The following WDHD1 variants were observed in gnomAD, a reference collection of about 807,000 sequenced individuals.
WDHD1 encodes the protein WD repeat and HMG-box DNA-binding protein 1.
In WDHD1, 111 loss-of-function variants were observed where a neutral mutation model predicts 135.4. That is an observed-to-expected ratio of 0.82 (90% CI 0.70 to 0.96). The LOEUF (loss-of-function observed/expected upper bound fraction) is 0.96, where lower values mean the gene tolerates loss of function less well. Ranked by LOEUF, WDHD1 falls within the 40% of genes least tolerant of loss-of-function variation. The pLI, the probability that WDHD1 is intolerant of heterozygous loss-of-function variation, is 0.00. For synonymous variants in WDHD1, 434 were observed against 439.0 expected, an observed-to-expected ratio of 0.99 and a Z score of 0.14; for missense variants, 1,351 against 1,336.3, an observed-to-expected ratio of 1.01 and a Z score of -0.17.
rs766079090 is a variant in WDHD1, at chr14:54,991,326, T to G, written c.1228A>C (p.Asn410His). The change falls in exon 12 of 26, where the codon AAT (asparagine) becomes CAT (histidine). Residue 410 changes from asparagine to histidine, a missense_variant. Asn to His is a moderately conservative substitution (Grantham distance 68, BLOSUM62 1). Coordinates refer to ENST00000360586, the MANE Select transcript of WDHD1 (RefSeq NM_007086.4). ...EEDGQEGSIHNLPLVTSQRPF... is the reference protein window; with the variant it reads ...EEDGQEGSIHHLPLVTSQRPF... ...CTTTGGGATGTTACAAGTGGTAGAT[T>G]GTGAATGCTGCCTTCTTGACCATCT... 8 of 1,614,086 alleles carry G rather than the reference T, an allele frequency of 5.0e-6. No homozygotes were observed. Among genetic ancestry groups the G allele is most frequent in the Non-Finnish European group, 6.8e-6 (8 of 1,180,024 alleles).
chr14:54,957,222 G>T lies in WDHD1; in HGVS notation c.2746-18C>A. ...GCTGATACCTAAAGAGCAAACTAGTGTTAGCACTGTATGTTTAAAGAAGAA... is the reference window on the plus strand; with the variant it reads ...GCTGATACCTAAAGAGCAAACTAGTTTTAGCACTGTATGTTTAAAGAAGAA... On this transcript the variant is annotated intron_variant, in intron 22 of 25. Transcript: ENST00000360586. The T allele has an allele frequency of 6.3e-7, 1 of 1,596,228 alleles. No individual in the cohort carries two copies.
chr14:55,026,150 C>G (rs2042435044), intron 2 of WDHD1, among the ~76,000 whole-genome samples: 1 of 152,054 alleles, frequency 6.6e-6, no homozygotes, highest in Admixed American at 6.6e-5. Flanking sequence ...AAGAGACACA[C>G]AAGTATTTTT....
chr14:55,005,322 T>C (rs998876300), intron 7 of WDHD1: 3 of 554,768 alleles, frequency 5.4e-6, no homozygotes, highest in Non-Finnish European at 3.5e-6. Context: ...TTAGTCACCA[T>C]AAGAAGCTGT....
At chr14:55,013,101 C>CA (rs1203884448) in intron 3 of WDHD1, among the ~76,000 whole-genome samples, 2 of 149,844 alleles carry the variant, frequency 1.3e-5, no homozygotes, top group Non-Finnish European at 3.0e-5. Flanking sequence ...TGGCATGCAC[C>CA]TACAGTCCTA....
At chr14:55,010,597 T>A (rs2042152670) in intron 3 of WDHD1, 137 bp from the exon 4 acceptor site, 3 of 770,470 alleles carry the variant, frequency 3.9e-6, no homozygotes, top group Non-Finnish European at 5.5e-6. Context: ...TATCACTAAA[T>A]GTACAACTTT....
intron 16 of WDHD1, among the ~76,000 whole-genome samples, chr14:54,978,192 T>A (rs184179873): frequency 2.2e-3 from 341 of 152,346 alleles, no homozygotes; most frequent in African/African-American, 7.6e-3. Context: ...TAAGATAGAC[T>A]GTGAATTCTT....
At chr14:55,005,492 A>G (rs987489244) in intron 7 of WDHD1, 10 of 565,412 alleles carry the variant, frequency 1.8e-5, no homozygotes, top group Non-Finnish European at 3.1e-5. Context: ...TTCAACAGCA[A>G]CAATGGCACA....
Position 54,963,194 on chromosome 14 carries a change from G to T in WDHD1, c.2311-22C>A, listed in dbSNP as rs753530365. 18 of 639,200 alleles carry T rather than the reference G, an allele frequency of 2.8e-5. 4 individuals carry two copies. The highest frequency in any genetic ancestry group is 1.5e-4 in the Admixed American group (7 of 45,252). The allele number at this position is 639,200 out of a possible 1,614,324, so 39.6% of individuals were successfully genotyped here. A position where few individuals can be genotyped will look rare whatever the true frequency, so the allele number is the denominator to read the frequency against. ...AAAGCTAATCCAAAAAGGGGGGGGG[G>T]GGGGAGATCAAATAACATCAAGTAA... On this transcript the variant is annotated intron_variant, in intron 18 of 25. Transcript: ENST00000360586.
intron 7 of WDHD1, 41 bp downstream of exon 7, chr14:55,007,231 TAAAAAAAA>T: frequency 1.9e-6 from 2 of 1,053,084 alleles, no homozygotes; most frequent in Non-Finnish European, 2.6e-6. Context: ...CCATCTCTAA[TAAAAAAAA>T]AAAAAAAAAA....
intron 11 of WDHD1, 58 bp downstream of exon 11, chr14:54,995,545 T>TA (rs2041863496): frequency 7.4e-7 from 1 of 1,342,310 alleles, no homozygotes; most frequent in Non-Finnish European, 1.0e-6. Flanking sequence ...ATAGTGTTAA[T>TA]AAAAAATCTA....
At chr14:55,006,572 C>T (rs1051127347) in intron 7 of WDHD1, among the ~76,000 whole-genome samples, 2 of 152,150 alleles carry the variant, frequency 1.3e-5, no homozygotes, top group Non-Finnish European at 2.9e-5. Context: ...ACAAACATTT[C>T]CTTTGCAAAT....
At chr14:54,945,189 C>T (rs944547443) in intron 24 of WDHD1, among the ~76,000 whole-genome samples, 4 of 152,156 alleles carry the variant, frequency 2.6e-5, no homozygotes, top group Non-Finnish European at 5.9e-5. Context: ...ATCGCCTCAC[C>T]CTTGCTCTCA....
intron 16 of WDHD1, among the ~76,000 whole-genome samples, chr14:54,971,320 T>C (rs561699884): frequency 1.3e-5 from 2 of 152,286 alleles, no homozygotes; most frequent in South Asian, 4.1e-4. Context: ...CTCACATCTG[T>C]AATCCCAGCA....
intron 16 of WDHD1, among the ~76,000 whole-genome samples, chr14:54,975,540 G>A (rs1212554803): frequency 6.6e-6 from 1 of 152,052 alleles, no homozygotes; most frequent in Admixed American, 6.6e-5. Flanking sequence ...TAGAGACAGG[G>A]TTTCACCATG....
At position 54,966,482 on chromosome 14, in the gene WDHD1, A is replaced by T. The variant is rs1325342542; in HGVS notation, c.2303T>A (p.Met768Lys). 1 of 1,597,814 alleles carries T rather than the reference A, an allele frequency of 6.3e-7. No homozygotes were observed. ...TATATTTATTTTACTCACCGCAAGC[A>T]TTTTCATTAAAAGTTCCTGTTGCTC... Reference protein sequence around the residue: ...TKEQQELLMKMLALSCKLERE... With the variant: ...TKEQQELLMKKLALSCKLERE... The change falls in exon 18 of 26, where the codon ATG becomes AAG. Residue 768 changes from methionine (M) to lysine (K), a missense_variant. Physicochemically the swap from Met to Lys is moderately conservative, Grantham distance 95. Around this residue, in one of 2 missense-constraint regions of WDHD1, gnomAD observed 1,330 missense variants for 1,296.1 expected, o/e 1.03. Coordinates refer to ENST00000360586, the MANE Select transcript of WDHD1 (RefSeq NM_007086.4).
chr14:55,027,006 G>A, intron 1 of WDHD1, 22 bp downstream of exon 1: 1 of 547,666 alleles, frequency 1.8e-6, no homozygotes, highest in South Asian at 2.1e-5. Flanking sequence ...GGTGGACGCG[G>A]GCAGCCGGAG....
chr14:54,980,045 CCAGGCA>C (rs1338024148), intron 16 of WDHD1, among the ~76,000 whole-genome samples: 2 of 152,186 alleles, frequency 1.3e-5, no homozygotes, highest in Non-Finnish European at 2.9e-5. Flanking sequence ...TACAATTCAG[CCAGGCA>C]CAGTGGCTCA....
intron 11 of WDHD1, among the ~76,000 whole-genome samples, chr14:54,994,576 C>T (rs1166768286): frequency 6.6e-6 from 1 of 151,946 alleles, no homozygotes; most frequent in East Asian, 1.9e-4. Context: ...GGTTGCACTC[C>T]ATGGTGAAAC....
rs1236278158 is a variant in WDHD1, at chr14:54,989,150, C to T, written c.1404G>A (p.Val468=). The T allele has an allele frequency of 6.2e-7, 1 of 1,613,692 alleles. No individual in the cohort carries two copies. Among genetic ancestry groups the T allele is most frequent in the Non-Finnish European group, 8.5e-7 (1 of 1,179,788 alleles). The change falls in exon 13 of 26, where the codon GTG becomes GTA. Residue 468 remains valine (V), a synonymous_variant. Coordinates refer to ENST00000360586, the MANE Select transcript of WDHD1 (RefSeq NM_007086.4). ...YNDEQDNAID[V]EFHDTSIHHA... ...GGTGTATGGAGGTATCATGGAACTCCACATCTATGGCATTGTCTTGCTCAT... is the reference window on the plus strand; with the variant it reads ...GGTGTATGGAGGTATCATGGAACTCTACATCTATGGCATTGTCTTGCTCAT...
Sources: gnomAD v4.1 joint callset for allele counts (sites outside exome capture counted in the v4.1 genomes callset) on GRCh38, gnomAD v4.1.1 for gene constraint, gnomAD v4.1.1 regional missense constraint, MANE v1.5 for transcripts, NCBI Gene and HGNC (gene_info 2026-07-23, HGNC 2026-07-21) for gene names.